MTF1: variants seen among roughly 807,000 people sequenced by gnomAD.
MTF1 encodes MRE-binding transcription factor.
Under a neutral mutation model 70.4 loss-of-function variants are expected in MTF1, and 22 were observed. The ratio of observed to expected loss-of-function variants is 0.31; its 90% confidence interval spans 0.22 to 0.45. MTF1 has a LOEUF of 0.45. Among genes scored for constraint, MTF1 ranks in the 20% least tolerant of loss-of-function variants. The pLI, the probability that MTF1 is intolerant of heterozygous loss-of-function variation, is 1.00. For missense variants in MTF1, 649 were observed against 922.0 expected (o/e 0.70, Z 3.83); for synonymous variants, 333 against 352.8 (o/e 0.94, Z 0.63).
intron 9 of MTF1, among the ~76,000 whole-genome samples, chr1:37,819,754 C>T (rs1222321040): frequency 1.3e-5 from 2 of 151,932 alleles, no homozygotes; most frequent in Non-Finnish European, 2.9e-5. Context: ...GAGTTGGAGA[C>T]CAGCCTGGCC....
chr1:37,843,442 TAG>T (rs1196281473), intron 2 of MTF1, among the ~76,000 whole-genome samples: 1 of 151,988 alleles, frequency 6.6e-6, no homozygotes, highest in African/African-American at 2.4e-5. Context: ...AAGCCTCAGG[TAG>T]GAGAGGGACA....
At chr1:37,838,459 C>A (rs978494236) in intron 4 of MTF1, among the ~76,000 whole-genome samples, 166 bp downstream of exon 4, 1 of 152,190 alleles carries the variant, frequency 6.6e-6, no homozygotes, top group Non-Finnish European at 1.5e-5. Flanking sequence ...TCCATCAGCA[C>A]CCCTCTAATC....
intron 6 of MTF1, among the ~76,000 whole-genome samples, chr1:37,833,446 G>A (rs1039095369): frequency 1.3e-4 from 20 of 152,158 alleles, no homozygotes; most frequent in African/African-American, 3.6e-4. Context: ...CAGACTAAGT[G>A]AACTCTGGAG....
intron 6 of MTF1, 63 bp from the exon 7 acceptor site, chr1:37,832,385 T>C (rs1641100751): frequency 5.8e-6 from 6 of 1,028,822 alleles, no homozygotes; most frequent in Non-Finnish European, 9.0e-6. Context: ...GCATATCATG[T>C]AACAAAACAT....
rs568306597 is a variant in MTF1, at chr1:37,827,200, T to C, written c.1069-3388A>G. Among the ~76,000 whole-genome samples, 3 of 152,254 alleles carry C rather than the reference T, an allele frequency of 2.0e-5. No homozygotes were observed. In the South Asian group the frequency reaches 6.2e-4, roughly 32 times the overall value. Reference sequence around the variant, plus strand: ...TATGTGCAATGTCCTCTGATTTTTTTTCTATTCTATTGATGTCTTTGAAAT... The same window carrying C: ...TATGTGCAATGTCCTCTGATTTTTTCTCTATTCTATTGATGTCTTTGAAAT... On this transcript the variant is annotated intron_variant, in intron 7 of 10. Transcript: ENST00000373036.
chr1:37,824,855 A>T (rs1640977380), intron 7 of MTF1, among the ~76,000 whole-genome samples: 1 of 152,180 alleles, frequency 6.6e-6, no homozygotes, highest in Non-Finnish European at 1.5e-5. Context: ...ATACCTTTAT[A>T]CTTAATAAAA....
At chr1:37,843,292 C>T (rs1008043372) in intron 2 of MTF1, among the ~76,000 whole-genome samples, 2 of 151,974 alleles carry the variant, frequency 1.3e-5, no homozygotes, top group South Asian at 2.1e-4. Context: ...TAAGCCACCA[C>T]GCCTGGCCTG....
Position 37,815,626 on chromosome 1 carries a change from A to G in MTF1, c.1832-60T>C. 1 of 1,336,500 alleles carries G rather than the reference A, an allele frequency of 7.5e-7. No individual in the cohort carries two copies. Among genetic ancestry groups the G allele is most frequent in the Non-Finnish European group, 1.0e-6 (1 of 971,962 alleles). 82.8% of individuals were successfully genotyped at this position (1,336,500 alleles called of 1,614,324 possible). A position where few individuals can be genotyped will look rare whatever the true frequency, so the allele number is the denominator to read the frequency against. On this transcript the variant is annotated intron_variant, in intron 10 of 10. Coordinates refer to ENST00000373036, the MANE Select transcript of MTF1 (RefSeq NM_005955.3). This position sits in a 1 kb window ranked among gnomAD's most constrained non-coding sequence, Gnocchi z 4.5. The stretch of plus-strand genomic sequence containing the variant: ...AGCTGCAGGGGCAGGAGCATGAGGG[A>G]CAGGGATACATGGACTAGGTGAGAG...
chr1:37,823,666 C>G, intron 8 of MTF1, 44 bp downstream of exon 8: 1 of 1,410,564 alleles, frequency 7.1e-7, no homozygotes, highest in South Asian at 1.2e-5. Flanking sequence ...CTCAGTGTGT[C>G]AGCAAGTGCT....
intron 9 of MTF1, among the ~76,000 whole-genome samples, chr1:37,819,913 C>G (rs910931827): frequency 5.4e-5 from 7 of 129,776 alleles, no homozygotes; most frequent in Non-Finnish European, 1.1e-4. Context: ...AACTGCACCA[C>G]TGCACTCCAG....
intron 2 of MTF1, among the ~76,000 whole-genome samples, chr1:37,844,684 C>G (rs1641307429): frequency 6.6e-6 from 1 of 152,176 alleles, no homozygotes; most frequent in Non-Finnish European, 1.5e-5. Context: ...TCTTAAGATG[C>G]TACAGCTTTT....
intron 10 of MTF1, 138 bp downstream of exon 10, chr1:37,817,281 A>C (rs1640834576): frequency 1.4e-6 from 1 of 699,316 alleles, no homozygotes; most frequent in African/African-American, 1.8e-5. Flanking sequence ...ACTCTAGCCA[A>C]CAATACAATG....
chr1:37,856,518 T>TTA (rs1641497974), intron 2 of MTF1, among the ~76,000 whole-genome samples: 1 of 136,750 alleles, frequency 7.3e-6, no homozygotes, highest in Non-Finnish European at 1.6e-5. Flanking sequence ...TTTTTTTTTT[T>TTA]AGATGGAGTC....
At chr1:37,822,759 C>A in intron 8 of MTF1, 43 bp from the exon 9 acceptor site, 2 of 1,420,810 alleles carry the variant, frequency 1.4e-6, no homozygotes, top group Non-Finnish European at 9.7e-7. Flanking sequence ...ATATCCCAAG[C>A]CTTAGATGAG....
intron 4 of MTF1, among the ~76,000 whole-genome samples, chr1:37,838,256 ATATTATCCACAAATTTGTGG>A (rs1641200594): frequency 6.6e-6 from 1 of 152,146 alleles, no homozygotes; most frequent in Non-Finnish European, 1.5e-5. Flanking sequence ...GCAGCCTCAG[ATATTATCCACAAATTTGTGG>A]TTTTTTGTCA....
At chr1:37,831,085 AC>A (rs1641079611) in intron 7 of MTF1, among the ~76,000 whole-genome samples, 1 of 152,158 alleles carries the variant, frequency 6.6e-6, no homozygotes, top group Non-Finnish European at 1.5e-5. Context: ...CAGTGCCTTT[AC>A]CATCTTCCAA....
chr1:37,837,120 G>A (rs1362840631), intron 4 of MTF1, among the ~76,000 whole-genome samples: 1 of 152,106 alleles, frequency 6.6e-6, no homozygotes, highest in Non-Finnish European at 1.5e-5. Context: ...GAGTGTAGTG[G>A]CATGACCATG....
chr1:37,849,152 G>A (rs368784218), intron 2 of MTF1, among the ~76,000 whole-genome samples: 2 of 152,188 alleles, frequency 1.3e-5, no homozygotes, highest in South Asian at 2.1e-4. Flanking sequence ...TAGGCCAGGC[G>A]CAGCAGCTCA....
rs750817211 is a variant in MTF1 at position 37,839,906 on chromosome 1, G to C, written c.647+14C>G. Reference sequence around the variant, plus strand: ...AAGGTCAGAGGCTGGCAGAGCATTGGAGACGAGACTGACCTGTACAGTGTG... The same window carrying C: ...AAGGTCAGAGGCTGGCAGAGCATTGCAGACGAGACTGACCTGTACAGTGTG... On this transcript the variant is annotated intron_variant, in intron 3 of 10. Transcript: ENST00000373036. 2 of 1,598,980 alleles carry C rather than the reference G, an allele frequency of 1.3e-6. No individual in the cohort carries two copies. Among genetic ancestry groups the C allele is most frequent in the Admixed American group, 3.3e-5 (2 of 59,956 alleles).
Sources: gnomAD v4.1 joint callset for allele counts (sites outside exome capture counted in the v4.1 genomes callset) on GRCh38, gnomAD v4.1.1 for gene constraint, Gnocchi (gnomAD v3.1) non-coding constraint, MANE v1.5 for transcripts, NCBI Gene and HGNC (gene_info 2026-07-23, HGNC 2026-07-21) for gene names.